Variants in GTF2E1 observed in about 807,000 individuals in gnomAD.
GTF2E1 encodes general transcription factor IIE subunit 1, also known as TFIIE alpha subunit.
Under a neutral mutation model 34.9 loss-of-function variants are expected in GTF2E1, and 14 were observed. The observed-to-expected ratio is 0.40, with a 90% confidence interval of 0.27 to 0.63. GTF2E1 has a LOEUF of 0.63. Among genes scored for constraint, GTF2E1 ranks in the 20% least tolerant of loss-of-function variants. The pLI is 0.39. For synonymous variants in GTF2E1, 188 were observed against 192.9 expected (o/e 0.97, Z 0.21); for missense variants, 469 against 557.7 (o/e 0.84, Z 1.60).
At chr3:120,745,679 T>C (rs1338685722) in intron 1 of GTF2E1, among the ~76,000 whole-genome samples, 3 of 152,246 alleles carry the variant, frequency 2.0e-5, no homozygotes, top group Non-Finnish European at 2.9e-5. Flanking sequence ...GAAATAATCC[T>C]GGAAACAGGT....
chr3:120,771,083 A>G (rs1199441463), intron 3 of GTF2E1, among the ~76,000 whole-genome samples, 154 bp downstream of exon 3: 1 of 152,172 alleles, frequency 6.6e-6, no homozygotes, highest in African/African-American at 2.4e-5. Context: ...TTGTCTGATT[A>G]ACGTGTGCCT....
In GTF2E1 at chr3:120,770,928, A is replaced by T; in HGVS notation, c.649A>T (p.Ser217Cys). 6.2e-7 allele frequency: 1 copy of T among 1,611,322 alleles called. No individual in the cohort carries two copies. Among genetic ancestry groups the T allele is most frequent in the Non-Finnish European group, 8.5e-7 (1 of 1,177,564 alleles). The change falls in exon 3 of 5, where the codon AGC becomes TGC. Residue 217 changes from serine (S) to cysteine (C), a missense_variant and splice_region_variant. Ser to Cys is a moderately radical substitution (Grantham distance 112). Coordinates refer to ENST00000283875, the MANE Select transcript of GTF2E1 (RefSeq NM_005513.3). Reference sequence around the variant, plus strand: ...CACAGAAATCCCAGCCCTGAAACAGAGGTGAGTGTAGGCCCTGTGCTCTTA... The same window carrying T: ...CACAGAAATCCCAGCCCTGAAACAGTGGTGAGTGTAGGCCCTGTGCTCTTA... ...EPTEIPALKQSKDHAATTAGA... is the reference protein window; with the variant it reads ...EPTEIPALKQCKDHAATTAGA...
At chr3:120,756,467 T>C (rs1157327095) in intron 2 of GTF2E1, among the ~76,000 whole-genome samples, 1 of 113,410 alleles carries the variant, frequency 8.8e-6, no homozygotes, top group South Asian at 3.5e-4. Context: ...GTGGGGGGAG[T>C]AAGGGGGGGA....
In GTF2E1 at chr3:120,776,656, T is replaced by G; in HGVS notation, c.884T>G (p.Met295Arg). The part of the protein sequence containing the change: ...TVQGAYGSED[M>R]KEGGIDMDAF... ...CAAGGGGCATATGGTTCTGAAGATA[T>G]GAAAGAAGGTAAGAGTAGAAGTCAG... The change falls in exon 4 of 5, where the codon ATG (methionine) becomes AGG (arginine). Residue 295 changes from methionine to arginine, a missense_variant. Coordinates refer to ENST00000283875, the MANE Select transcript of GTF2E1 (RefSeq NM_005513.3). The G allele has an allele frequency of 6.2e-7, 1 of 1,612,848 alleles. No homozygotes were observed. The highest frequency in any genetic ancestry group is 1.7e-4 in the Middle Eastern group (1 of 6,054).
Position 120,750,167 on chromosome 3 carries a change from A to G in GTF2E1, c.-30-356A>G, listed in dbSNP as rs114132959. Among the ~76,000 whole-genome samples the G allele has an allele frequency of 2.3e-3, 350 of 152,320 alleles. 3 individuals carry two copies. Among genetic ancestry groups the G allele is most frequent in the South Asian group, 0.013 (64 of 4,826 alleles). On this transcript the variant is annotated intron_variant, in intron 1 of 4. Coordinates refer to ENST00000283875, the MANE Select transcript of GTF2E1 (RefSeq NM_005513.3). ...ACACTTTTAGGAAATGCGAACTGCT[A>G]GTTTTCTCAGGGTTTCCAGCATTCC...
intron 2 of GTF2E1, 102 bp from the exon 3 acceptor site, chr3:120,770,626 G>A: frequency 2.5e-6 from 2 of 799,426 alleles, no homozygotes; most frequent in Non-Finnish European, 4.3e-6. Flanking sequence ...CAACCTTTGT[G>A]TATATTTGAA....
At chr3:120,772,708 T>G (rs1462484733) in intron 3 of GTF2E1, among the ~76,000 whole-genome samples, 1 of 152,142 alleles carries the variant, frequency 6.6e-6, no homozygotes, top group Admixed American at 6.6e-5. Flanking sequence ...TCTGAATTAT[T>G]CTGATGTTTC....
intron 2 of GTF2E1, among the ~76,000 whole-genome samples, chr3:120,752,842 G>A (rs546842751): frequency 6.6e-6 from 1 of 152,286 alleles, no homozygotes; most frequent in African/African-American, 2.4e-5. Context: ...AAGAAGGGGT[G>A]CCTGAGAGCA....
intron 4 of GTF2E1, among the ~76,000 whole-genome samples, chr3:120,777,003 C>A (rs754835087): frequency 2.9e-4 from 44 of 152,150 alleles, no homozygotes; most frequent in Non-Finnish European, 5.6e-4. Context: ...GACTTATATG[C>A]ATTTAATTTT....
At chr3:120,766,062 A>G (rs542287568) in intron 2 of GTF2E1, among the ~76,000 whole-genome samples, 2 of 152,318 alleles carry the variant, frequency 1.3e-5, no homozygotes, top group African/African-American at 4.8e-5. Context: ...TATGTACACT[A>G]CTTAGTGTAG....
At chr3:120,754,120 TG>T (rs1488939073) in intron 2 of GTF2E1, among the ~76,000 whole-genome samples, 1 of 152,206 alleles carries the variant, frequency 6.6e-6, no homozygotes, top group African/African-American at 2.4e-5. Flanking sequence ...GTCTCAACCA[TG>T]GGTGATTTAG....
intron 3 of GTF2E1, among the ~76,000 whole-genome samples, chr3:120,771,170 T>G (rs961924624): frequency 5.9e-5 from 9 of 152,108 alleles, no homozygotes; most frequent in African/African-American, 1.9e-4. Flanking sequence ...AGGTTTGACT[T>G]CAAGTACTCA....
At chr3:120,759,615 A>T (rs147154878) in intron 2 of GTF2E1, among the ~76,000 whole-genome samples, 2 of 152,162 alleles carry the variant, frequency 1.3e-5, no homozygotes, top group Admixed American at 1.3e-4. Flanking sequence ...TAATTTTTGT[A>T]TAAGGTGTAA....
chr3:120,780,997 G>C (rs756965177), intron 4 of GTF2E1, 46 bp from the exon 5 acceptor site: 1 of 1,262,478 alleles, frequency 7.9e-7, no homozygotes, highest in South Asian at 1.4e-5. Context: ...ATAAAGAAAT[G>C]CCATTTATAT....
chr3:120,751,945 A>C (rs969171043), intron 2 of GTF2E1, among the ~76,000 whole-genome samples: 1 of 152,144 alleles, frequency 6.6e-6, no homozygotes, highest in East Asian at 1.9e-4. Context: ...TGGTTGTGCA[A>C]AATTACAGAT....
At position 120,756,875 on chromosome 3, in the gene GTF2E1, G is replaced by A. The variant is rs188745396; in HGVS notation, c.448+5875G>A. ...CAGGAGCCAGAGGTTGCAGTGAGCC[G>A]AGATCGCACCACTGCACTCCAGTCT... On this transcript the variant is annotated intron_variant, in intron 2 of 4. Transcript: ENST00000283875. 4.1e-3 allele frequency among the ~76,000 whole-genome samples: 620 copies of A among 152,096 alleles called. 15 individuals carry two copies. Among genetic ancestry groups the A allele is most frequent in the Admixed American group, 0.035 (528 of 15,282 alleles).
chr3:120,753,891 C>G (rs1429281575), intron 2 of GTF2E1, among the ~76,000 whole-genome samples: 1 of 152,126 alleles, frequency 6.6e-6, no homozygotes, highest in African/African-American at 2.4e-5. Context: ...AATGGAATAG[C>G]CTAGCCTTTG....
At position 120,764,376 on chromosome 3, in the gene GTF2E1, G is replaced by A. The variant is rs182657306; in HGVS notation, c.449-6352G>A. On this transcript the variant is annotated intron_variant, in intron 2 of 4. Transcript: ENST00000283875. ...GTTCTGGGGTGAGAGCTCTGCAGCA[G>A]CAGACATTTGATCTTCCCTGTTTCC... Among the ~76,000 whole-genome samples, 377 of 152,320 alleles carry A rather than the reference G, an allele frequency of 2.5e-3. 3 individuals are homozygous for A. The highest frequency in any genetic ancestry group is 8.3e-3 in the African/African-American group (345 of 41,572).
intron 3 of GTF2E1, 135 bp downstream of exon 3, chr3:120,771,064 G>C: frequency 1.3e-6 from 1 of 746,398 alleles, no homozygotes; most frequent in South Asian, 1.6e-5. Flanking sequence ...GTTCTCAGTT[G>C]TGCCACATTT....
Sources: gnomAD v4.1 joint callset for allele counts (sites outside exome capture counted in the v4.1 genomes callset) on GRCh38, gnomAD v4.1.1 for gene constraint, MANE v1.5 for transcripts, NCBI Gene and HGNC (gene_info 2026-07-23, HGNC 2026-07-21) for gene names.